The following SLC2A1 variants were observed in gnomAD, a reference collection of about 807,000 sequenced individuals.
SLC2A1 encodes solute carrier family 2, facilitated glucose transporter member 1.
A neutral mutation model predicts 46.6 loss-of-function variants in SLC2A1; 4 were observed. That is an observed-to-expected ratio of 0.09 (90% confidence interval 0.04 to 0.20). The LOEUF is 0.20. Among genes scored for constraint, SLC2A1 ranks in the 10% least tolerant of loss-of-function variants. SLC2A1 has a pLI of 1.00. For missense variants in SLC2A1, 352 were observed against 667.0 expected (o/e 0.53, Z 5.20); for synonymous variants, 253 against 270.0 (o/e 0.94, Z 0.62).
At chr1:42,958,184 C>T in intron 1 of SLC2A1, among the ~76,000 whole-genome samples, 1 of 151,864 alleles carries the variant, frequency 6.6e-6, no homozygotes. Context: ...CTCCTCCGCG[C>T]GCCGGGGCCG....
At chr1:42,948,626 C>T (rs1046671416) in intron 1 of SLC2A1, among the ~76,000 whole-genome samples, 1 of 152,124 alleles carries the variant, frequency 6.6e-6, no homozygotes, top group Non-Finnish European at 1.5e-5. Flanking sequence ...AACTTCTGGG[C>T]ATTAAAAGAA....
chr1:42,930,240 G>A lies in SLC2A1; in HGVS notation c.517-205C>T, dbSNP rs1162063626. On this transcript the variant is annotated intron_variant, in intron 4 of 9. Transcript: ENST00000426263. This position sits in a 1 kb window ranked among gnomAD's most constrained non-coding sequence, Gnocchi z 6.2. ...TAGGACCTACCCCACAGTGTTGCTGGGAGGACAAATGACAAGGCCACAGAT... is the reference window on the plus strand; with the variant it reads ...TAGGACCTACCCCACAGTGTTGCTGAGAGGACAAATGACAAGGCCACAGAT... 4.6e-6 allele frequency: 3 copies of A among 652,678 alleles called. No homozygotes were observed. The highest frequency in any genetic ancestry group is 3.6e-5 in the African/African-American group (2 of 55,178). The allele number at this position is 652,678 out of a possible 1,614,324, so 40.4% of individuals were successfully genotyped here.
rs528083688 is a variant in SLC2A1 at position 42,945,495 on chromosome 1, G to A, written c.19-2174C>T. Among the ~76,000 whole-genome samples the A allele has an allele frequency of 5.3e-5, 8 of 152,142 alleles. No individual in the cohort carries two copies. In the South Asian group the frequency reaches 1.7e-3, roughly 32 times the overall value. ...CATCTATTTAAAAGAATGCACAAGA[G>A]GCTAGGCACGGTGGCTCACATCTAT... On this transcript the variant is annotated intron_variant, in intron 1 of 9. Transcript: ENST00000426263.
At chr1:42,932,254 C>T (rs1643498964) in intron 2 of SLC2A1, among the ~76,000 whole-genome samples, 2 of 152,112 alleles carry the variant, frequency 1.3e-5, no homozygotes, top group African/African-American at 4.8e-5. Context: ...CTAGGGCAGC[C>T]CTGCCCACCA....
intron 1 of SLC2A1, among the ~76,000 whole-genome samples, chr1:42,945,738 C>CAAAAAAAAAAAAA (rs1166067644): frequency 8.7e-6 from 1 of 115,448 alleles, no homozygotes; most frequent in African/African-American, 2.8e-5. Context: ...GACTCTGTCT[C>CAAAAAAAAAAAAA]AAAAAAAAAA....
At chr1:42,957,806 C>A (rs1298930247) in intron 1 of SLC2A1, among the ~76,000 whole-genome samples, 1 of 152,168 alleles carries the variant, frequency 6.6e-6, no homozygotes, top group Non-Finnish European at 1.5e-5. Flanking sequence ...CCGTGGCGTG[C>A]GCGCTTCCCG....
chr1:42,958,082 A>C (rs1643797793), intron 1 of SLC2A1, among the ~76,000 whole-genome samples: 1 of 151,976 alleles, frequency 6.6e-6, no homozygotes, highest in Admixed American at 6.5e-5. Context: ...CGGGAGGAGT[A>C]GGGGAGGCCG....
intron 2 of SLC2A1, among the ~76,000 whole-genome samples, chr1:42,932,494 C>T (rs1643502500): frequency 6.6e-6 from 1 of 152,214 alleles, no homozygotes; most frequent in Non-Finnish European, 1.5e-5. Context: ...TTTAGCCAGT[C>T]ACAAACTCAC....
intron 1 of SLC2A1, among the ~76,000 whole-genome samples, chr1:42,947,983 A>C (rs1367925688): frequency 6.6e-6 from 1 of 152,154 alleles, no homozygotes; most frequent in Non-Finnish European, 1.5e-5. Flanking sequence ...AGGGCTGTCA[A>C]GGAAGGACCT....
chr1:42,946,750 A>G (rs1369478413), intron 1 of SLC2A1, among the ~76,000 whole-genome samples: 3 of 152,112 alleles, frequency 2.0e-5, no homozygotes, highest in African/African-American at 7.2e-5. Context: ...GGGGAGGGAC[A>G]TGGCCCCTGC....
chr1:42,949,796 G>A lies in SLC2A1; in HGVS notation c.19-6475C>T, dbSNP rs1643701056. Among the ~76,000 whole-genome samples the A allele has an allele frequency of 3.3e-5, 5 of 150,250 alleles. No homozygotes were observed. In the South Asian group the frequency reaches 8.5e-4, roughly 26 times the overall value. On this transcript the variant is annotated intron_variant, in intron 1 of 9. Transcript: ENST00000426263. ...CTTTTCACAGATGAGAAATGAGAGA[G>A]AGGGAAAAGCGCAGAACCAGGGGAC...
chr1:42,952,415 C>G (rs367928219), intron 1 of SLC2A1: 12 of 477,880 alleles, frequency 2.5e-5, no homozygotes, highest in African/African-American at 2.4e-4. Context: ...AGTCGATCAG[C>G]GAGTTGGGGA....
chr1:42,933,980 G>A lies in SLC2A1; in HGVS notation c.115-2774C>T, dbSNP rs572938344. Among the ~76,000 whole-genome samples the A allele has an allele frequency of 1.8e-3, 270 of 152,248 alleles. 1 individual carries two copies. The highest frequency in any genetic ancestry group is 6.3e-3 in the African/African-American group (262 of 41,528). ...TTCCCCCAACCCTCTGTGGTTCAGA[G>A]GCTTGTCTTGTACAACTCTCCACAC... On this transcript the variant is annotated intron_variant, in intron 2 of 9. Coordinates refer to ENST00000426263, the MANE Select transcript of SLC2A1 (RefSeq NM_006516.4).
At chr1:42,943,547 G>A (rs368852572) in intron 1 of SLC2A1, among the ~76,000 whole-genome samples, 26 of 152,084 alleles carry the variant, frequency 1.7e-4, no homozygotes, top group African/African-American at 6.0e-4. Flanking sequence ...GGAGAGAGGG[G>A]AAGTATGATC....
chr1:42,941,619 G>C (rs1643599229), intron 2 of SLC2A1, among the ~76,000 whole-genome samples: 1 of 152,152 alleles, frequency 6.6e-6, no homozygotes, highest in African/African-American at 2.4e-5. Context: ...GAATTGGTTG[G>C]GAAGCTTTTA....
At chr1:42,941,625 T>G (rs1643599308) in intron 2 of SLC2A1, among the ~76,000 whole-genome samples, 2 of 152,198 alleles carry the variant, frequency 1.3e-5, no homozygotes, top group African/African-American at 4.8e-5. Context: ...GTTGGGAAGC[T>G]TTTAATTGAA....
At chr1:42,952,396 G>A in intron 1 of SLC2A1, 1 of 482,426 alleles carries the variant, frequency 2.1e-6, no homozygotes, top group Non-Finnish European at 4.1e-6. Flanking sequence ...TTCCCGTAGA[G>A]GCTGATGCAG....
chr1:42,929,416 G>T lies in SLC2A1; in HGVS notation c.868-102C>A. 8.8e-7 allele frequency: 1 copy of T among 1,136,050 alleles called. No individual in the cohort carries two copies. Among genetic ancestry groups the T allele is most frequent in the Non-Finnish European group, 1.3e-6 (1 of 764,446 alleles). The allele number at this position is 1,136,050 out of a possible 1,614,324, so 70.4% of individuals were successfully genotyped here. The stretch of plus-strand genomic sequence containing the variant: ...ACCCAGGATGAGTAAAGAATGAAGG[G>T]GACAAATACTCAGGCAGAAGGGACA... On this transcript the variant is annotated intron_variant, in intron 6 of 9. Transcript: ENST00000426263. This position sits in a 1 kb window ranked among gnomAD's most constrained non-coding sequence, Gnocchi z 6.0.
rs368437445 is a variant in SLC2A1, at chr1:42,927,592, TG to T, written c.1278+12del. On this transcript the variant is annotated intron_variant, in intron 9 of 9. Coordinates refer to ENST00000426263, the MANE Select transcript of SLC2A1 (RefSeq NM_006516.4). The surrounding 1 kb of genome is among the most constrained non-coding windows in gnomAD (Gnocchi z 5.3). ...TGCGTGCGGGTGAGTATAGAGACAGTGGGGGTTCTCACCTCCACATACTGGA... is the reference window on the plus strand; with the variant it reads ...TGCGTGCGGGTGAGTATAGAGACAGTGGGGTTCTCACCTCCACATACTGGA... 26 of 1,447,248 alleles carry T rather than the reference TG, an allele frequency of 1.8e-5. No individual in the cohort carries two copies. The Middle Eastern group carries it at 6.0e-4, about 33-fold the overall frequency. The allele number at this position is 1,447,248 out of a possible 1,614,324, so 89.7% of individuals were successfully genotyped here.
Sources: allele counts gnomAD v4.1 joint callset (sites outside exome capture counted in the v4.1 genomes callset), GRCh38; gene constraint gnomAD v4.1.1; non-coding constraint Gnocchi (gnomAD v3.1); transcripts MANE v1.5; gene names NCBI Gene and HGNC (gene_info 2026-07-23, HGNC 2026-07-21).